The following HKDC1 variants were observed in gnomAD, a reference collection of about 807,000 sequenced individuals.
HKDC1 encodes hexokinase domain containing 1.
A neutral mutation model predicts 96.6 loss-of-function variants in HKDC1; 66 were observed. That is an observed-to-expected ratio of 0.68 (90% confidence interval 0.56 to 0.84). The LOEUF is 0.84. HKDC1 is among the 40% of genes least tolerant of loss of function. The probability of loss-of-function intolerance (pLI) is 0.00; values close to 1 mark genes in which losing one functional copy is unlikely to be tolerated. For synonymous variants in HKDC1, 466 were observed against 473.1 expected (o/e 0.98, Z 0.20); for missense variants, 1,211 against 1,208.1 (o/e 1.00, Z -0.04).
At chr10:69,250,217 C>G in intron 10 of HKDC1, 73 bp from the exon 11 acceptor site, 4 of 1,531,826 alleles carry the variant, frequency 2.6e-6, no homozygotes, top group Non-Finnish European at 3.6e-6. Flanking sequence ...TCTGCTCCGA[C>G]GTCTCCTCTT....
At chr10:69,254,667 A>G (rs1222245653) in intron 12 of HKDC1, among the ~76,000 whole-genome samples, 2 of 152,228 alleles carry the variant, frequency 1.3e-5, no homozygotes, top group Admixed American at 6.5e-5. Flanking sequence ...TTTTCGTGCA[A>G]TTATATTCAA....
At position 69,265,606 on chromosome 10, in the gene HKDC1, G is replaced by C. The variant is rs781406080; in HGVS notation, c.2394G>C (p.Gln798His). 13 of 1,613,566 alleles carry C rather than the reference G, an allele frequency of 8.1e-6. No homozygotes were observed. The highest frequency in any genetic ancestry group is 1.6e-4 in the Middle Eastern group (1 of 6,080). Reference protein sequence around the residue: ...QIESDRLALLQVRRILQQLGL... With the variant: ...QIESDRLALLHVRRILQQLGL... ...GCAGCGATCGGCTGGCCCTTCTCCA[G>C]GTCAGGAGGATTCTGCAGCAGCTGG... The change falls in exon 17 of 18, where the codon CAG becomes CAC. Residue 798 changes from glutamine (Q) to histidine (H), a missense_variant. Gln to His is a conservative substitution (Grantham distance 24, BLOSUM62 0). Transcript: ENST00000354624.
intron 16 of HKDC1, among the ~76,000 whole-genome samples, chr10:69,262,843 A>T (rs1351506445): frequency 1.3e-5 from 2 of 152,082 alleles, no homozygotes; most frequent in African/African-American, 4.8e-5. Context: ...TTGGTGACCA[A>T]AGGGATCCTG....
chr10:69,254,205 T>A (rs950494912), intron 12 of HKDC1, among the ~76,000 whole-genome samples: 2 of 152,110 alleles, frequency 1.3e-5, no homozygotes, highest in Non-Finnish European at 2.9e-5. Context: ...TTTGGGTGGC[T>A]GAGGCAGGAG....
intron 16 of HKDC1, 137 bp from the exon 17 acceptor site, chr10:69,265,448 T>G: frequency 1.4e-6 from 1 of 727,018 alleles, no homozygotes; most frequent in East Asian, 2.7e-5. Context: ...GGCATTCTGC[T>G]CCAGCCTAGC....
At chr10:69,233,543 G>T (rs920475565) in intron 4 of HKDC1, among the ~76,000 whole-genome samples, 2 of 152,140 alleles carry the variant, frequency 1.3e-5, no homozygotes, top group East Asian at 1.9e-4. Context: ...CCAACTAGAA[G>T]AAACATGGGA....
rs541479254 is a variant in HKDC1 at position 69,248,957 on chromosome 10, T to C, written c.1570+229T>C. On this transcript the variant is annotated intron_variant, in intron 10 of 17. Coordinates refer to ENST00000354624, the MANE Select transcript of HKDC1 (RefSeq NM_025130.4). ...AAACAAAAACACAAAAAGCCTACAT[T>C]AGGTTATGTGTGTGCACTTATGTGT... The C allele has an allele frequency of 1.9e-5, 10 of 535,490 alleles. No homozygotes were observed. The East Asian group carries it at 2.8e-4, about 15-fold the overall frequency. The allele number at this position is 535,490 out of a possible 1,614,324, so 33.2% of individuals were successfully genotyped here.
At chr10:69,220,783 T>C (rs1398948871) in intron 1 of HKDC1, among the ~76,000 whole-genome samples, 1 of 152,104 alleles carries the variant, frequency 6.6e-6, no homozygotes, top group Admixed American at 6.5e-5. Context: ...AGGATTGTGT[T>C]TGCTGTAAGG....
intron 12 of HKDC1, among the ~76,000 whole-genome samples, chr10:69,252,221 C>T (rs1843653717): frequency 6.6e-6 from 1 of 151,318 alleles, no homozygotes; most frequent in South Asian, 2.1e-4. Flanking sequence ...GGTAAAAACA[C>T]CCAGGGTTGT....
rs1227728216 is a variant in HKDC1, at chr10:69,239,105, A to G, written c.559A>G (p.Ser187Gly). 1.2e-6 allele frequency: 2 copies of G among 1,613,878 alleles called. No homozygotes were observed. The highest frequency in any genetic ancestry group is 1.7e-6 in the Non-Finnish European group (2 of 1,179,892). The change falls in exon 5 of 18, where the codon AGC becomes GGC. Residue 187 changes from serine to glycine, a missense_variant. Transcript: ENST00000354624. ...AGGAGTTCAGGACACGGATGTGGTGAGCCGTCTGACCAAAGCCATGAGAAG... is the reference window on the plus strand; with the variant it reads ...AGGAGTTCAGGACACGGATGTGGTGGGCCGTCTGACCAAAGCCATGAGAAG... Reference protein sequence around the residue: ...ARGVQDTDVVSRLTKAMRRHK... With the variant: ...ARGVQDTDVVGRLTKAMRRHK...
Position 69,248,719 on chromosome 10 carries a change from G to C in HKDC1, c.1561G>C (p.Asp521His). ...MLPTYVCGLP[D>H]GTEKGKFLAL... Reference sequence around the variant, plus strand: ...GCCCACCTACGTCTGCGGGCTGCCGGACGGCACAGGTGGGCCAGCACAGCC... The same window carrying C: ...GCCCACCTACGTCTGCGGGCTGCCGCACGGCACAGGTGGGCCAGCACAGCC... The change falls in exon 10 of 18, where the codon GAC becomes CAC. Residue 521 changes from aspartate to histidine, a missense_variant. Asp to His is a moderately conservative substitution (Grantham distance 81, BLOSUM62 -1). Transcript: ENST00000354624. The C allele has an allele frequency of 6.2e-7, 1 of 1,605,706 alleles. No homozygotes were observed. The highest frequency in any genetic ancestry group is 8.5e-7 in the Non-Finnish European group (1 of 1,174,672).
intron 16 of HKDC1, 136 bp downstream of exon 16, chr10:69,261,430 C>T: frequency 1.4e-6 from 1 of 729,204 alleles, no homozygotes; most frequent in Non-Finnish European, 2.2e-6. Context: ...TGGGGCTGCT[C>T]TTCTCTTTCC....
intron 4 of HKDC1, among the ~76,000 whole-genome samples, chr10:69,237,586 C>T (rs1349452746): frequency 6.6e-6 from 1 of 152,130 alleles, no homozygotes; most frequent in Non-Finnish European, 1.5e-5. Context: ...TATGTAATTG[C>T]CTTTTTAATT....
intron 12 of HKDC1, among the ~76,000 whole-genome samples, chr10:69,251,911 C>T (rs972153144): frequency 3.3e-5 from 5 of 151,956 alleles, no homozygotes; most frequent in African/African-American, 1.2e-4. Flanking sequence ...AGGTGTGTGC[C>T]ACCACAACTG....
intron 12 of HKDC1, among the ~76,000 whole-genome samples, chr10:69,254,233 A>G (rs1182126101): frequency 6.6e-6 from 1 of 152,164 alleles, no homozygotes; most frequent in Non-Finnish European, 1.5e-5. Context: ...AGAACTCAGG[A>G]GGTGGAGGTT....
Position 69,247,355 on chromosome 10 carries a change from G to T in HKDC1, c.1032-5G>T. On this transcript the variant is annotated splice_polypyrimidine_tract_variant and splice_region_variant and intron_variant, in intron 8 of 17. Coordinates refer to ENST00000354624, the MANE Select transcript of HKDC1 (RefSeq NM_025130.4). ...GTCGTTCACTCATTCCTGTCCCCTG[G>T]CCAGGTATAAAGAAGGCCTTGCTAA... The T allele has an allele frequency of 6.2e-7, 1 of 1,605,844 alleles. No individual in the cohort carries two copies. The highest frequency in any genetic ancestry group is 8.5e-7 in the Non-Finnish European group (1 of 1,172,452).
intron 2 of HKDC1, among the ~76,000 whole-genome samples, chr10:69,229,492 G>A (rs1843217070): frequency 6.6e-6 from 1 of 152,148 alleles, no homozygotes; most frequent in African/African-American, 2.4e-5. Context: ...GGCATCTGGG[G>A]CCCCTGGGAG....
chr10:69,262,364 T>A lies in HKDC1; in HGVS notation c.2372+1070T>A, dbSNP rs977191443. ...CATTTGAATACAGTAAATCATTTCC[T>A]TAGTAGTAGAAACATTTGGTTAAAA... On this transcript the variant is annotated intron_variant, in intron 16 of 17. Transcript: ENST00000354624. 7.9e-5 allele frequency among the ~76,000 whole-genome samples: 12 copies of A among 152,220 alleles called. No individual in the cohort carries two copies. The South Asian group carries it at 1.0e-3, about 13-fold the overall frequency.
chr10:69,248,737 G>A lies in HKDC1; in HGVS notation c.1570+9G>A, dbSNP rs367598529. 6.3e-6 allele frequency: 10 copies of A among 1,587,376 alleles called. No homozygotes were observed. Among genetic ancestry groups the A allele is most frequent in the Middle Eastern group, 1.9e-4 (1 of 5,176 alleles). ...GCTGCCGGACGGCACAGGTGGGCCAGCACAGCCTCCCTCTCTGAACAGCCA... is the reference window on the plus strand; with the variant it reads ...GCTGCCGGACGGCACAGGTGGGCCAACACAGCCTCCCTCTCTGAACAGCCA... On this transcript the variant is annotated intron_variant, in intron 10 of 17. Transcript: ENST00000354624.
Sources: allele counts gnomAD v4.1 joint callset (sites outside exome capture counted in the v4.1 genomes callset), GRCh38; gene constraint gnomAD v4.1.1; transcripts MANE v1.5; gene names NCBI Gene and HGNC (gene_info 2026-07-23, HGNC 2026-07-21).